The following ZNF516 variants were observed in gnomAD, a reference collection of about 807,000 sequenced individuals.
The protein encoded by ZNF516 is zinc finger protein 516.
In ZNF516, 19 loss-of-function variants were observed where a neutral mutation model predicts 79.7. That is an observed-to-expected ratio of 0.24 (90% confidence interval 0.17 to 0.35). ZNF516 has a LOEUF of 0.35. ZNF516 is among the 10% of genes least tolerant of loss of function. The pLI is 1.00. For synonymous variants in ZNF516, 877 were observed against 739.5 expected (o/e 1.19, Z -3.02); for missense variants, 1,678 against 1,679.5 (o/e 1.00, Z 0.02).
At chr18:76,495,685 T>A (rs974820882), upstream of ZNF516, 2 of 1,192,480 alleles carry the variant, frequency 1.7e-6, no homozygotes, top group Non-Finnish European at 2.1e-6. Context: ...CACACGCGCA[T>A]CCATACGTAC....
Position 76,361,806 on chromosome 18 carries a change from T to A in ZNF516, c.*692A>T, listed in dbSNP as rs2074541710. 6.6e-6 allele frequency: 1 copy of A among 152,108 alleles called. No homozygotes were observed. Among genetic ancestry groups the A allele is most frequent in the Non-Finnish European group, 1.5e-5 (1 of 68,032 alleles). 9.4% of individuals were successfully genotyped at this position (152,108 alleles called of 1,614,324 possible). ...GACGTGTCTCCTTTGCCAGATTCGC[T>A]CAGTTCGAATGGTGGGAAGAATGGA... On this transcript the variant is annotated 3_prime_UTR_variant, in exon 7 of 7. Transcript: ENST00000443185.
At position 76,379,878 on chromosome 18, in the gene ZNF516, T is replaced by C. The variant is rs200255972; in HGVS notation, c.2236A>G (p.Asn746Asp). 2.5e-4 allele frequency: 404 copies of C among 1,613,816 alleles called. 3 individuals carry two copies. The highest frequency in any genetic ancestry group is 1.5e-3 in the Middle Eastern group (9 of 6,084). Residue 746 changes from asparagine (N) to aspartate (D), a missense_variant, in exon 4 of 7, where the codon AAT becomes GAT. By Grantham distance (23) the Asn-to-Asp change is conservative (BLOSUM62 1). Coordinates refer to ENST00000443185, the MANE Select transcript of ZNF516 (RefSeq NM_014643.4). ...TGCAGGGAGGAGGCCGTCTCCTTAT[T>C]GCTGGGGTCATCCCGCGTCGACCTC... ...SARSTRDDPS[N>D]KETASSLQAA...
At chr18:76,399,104 G>A (rs1599182238) in intron 3 of ZNF516, among the ~76,000 whole-genome samples, 2 of 152,118 alleles carry the variant, frequency 1.3e-5, no homozygotes, top group South Asian at 4.1e-4. Context: ...TGGCACCTGC[G>A]CCCAAGCTAT....
chr18:76,465,960 C>T (rs1363876285), intron 1 of ZNF516, among the ~76,000 whole-genome samples: 4 of 152,160 alleles, frequency 2.6e-5, no homozygotes, highest in Non-Finnish European at 5.9e-5. Context: ...AGCTAGACTG[C>T]GCCCAAACCC....
At chr18:76,460,741 G>A (rs1321642680) in intron 2 of ZNF516, among the ~76,000 whole-genome samples, 3 of 152,200 alleles carry the variant, frequency 2.0e-5, no homozygotes, top group East Asian at 1.9e-4. Flanking sequence ...AGCACACCCC[G>A]AGAGAGAGAT....
chr18:76,491,801 G>C, intron 1 of ZNF516: 1 of 152,158 alleles, frequency 6.6e-6, no homozygotes, highest in Non-Finnish European at 1.5e-5. Flanking sequence ...CGCCGCTGCT[G>C]CTCAGACACA....
At chr18:76,440,774 G>A (rs1257066819) in intron 3 of ZNF516, among the ~76,000 whole-genome samples, 3 of 151,798 alleles carry the variant, frequency 2.0e-5, no homozygotes, top group East Asian at 1.9e-4. Context: ...GCGCACGCGC[G>A]CATGCATCGT....
intron 3 of ZNF516, among the ~76,000 whole-genome samples, chr18:76,395,534 A>G (rs933401715): frequency 3.9e-5 from 6 of 152,124 alleles, no homozygotes; most frequent in African/African-American, 1.4e-4. Flanking sequence ...GCAAATAAGA[A>G]CAGTAACGTT....
intron 3 of ZNF516, among the ~76,000 whole-genome samples, chr18:76,407,698 C>G (rs185593208): frequency 6.6e-6 from 1 of 152,224 alleles, no homozygotes; most frequent in African/African-American, 2.4e-5. Context: ...ATACCCAACA[C>G]GACATGCAGT....
chr18:76,459,357 G>A lies in ZNF516; in HGVS notation c.-158+3671C>T, dbSNP rs140516679. On this transcript the variant is annotated intron_variant, in intron 2 of 6. Transcript: ENST00000443185. The surrounding 1 kb of genome is among the most constrained non-coding windows in gnomAD (Gnocchi z 5.0). ...TGGCCACCATCCACTCAACATCATT[G>A]AGCCCTCCCACAGGCACCCAAGCTC... 3.1e-4 allele frequency among the ~76,000 whole-genome samples: 47 copies of A among 152,244 alleles called. No homozygotes were observed. The East Asian group carries it at 8.9e-3, about 29-fold the overall frequency.
intron 3 of ZNF516, among the ~76,000 whole-genome samples, chr18:76,412,677 G>A (rs917946751): frequency 3.9e-5 from 6 of 152,210 alleles, no homozygotes; most frequent in Admixed American, 2.0e-4. Flanking sequence ...AAGTCAAGTC[G>A]TTGCCAAGAT....
chr18:76,385,185 C>T (rs935530073), intron 3 of ZNF516, among the ~76,000 whole-genome samples: 1 of 152,218 alleles, frequency 6.6e-6, no homozygotes, highest in Non-Finnish European at 1.5e-5. Context: ...ACCAGGGGCT[C>T]CCGGGTTCCT....
intron 6 of ZNF516, among the ~76,000 whole-genome samples, chr18:76,363,707 C>T (rs912347665): frequency 6.6e-6 from 1 of 152,178 alleles, no homozygotes; most frequent in Non-Finnish European, 1.5e-5. Flanking sequence ...GACGTCAGGC[C>T]GTGAAGACAT....
chr18:76,397,034 G>A (rs975259124), intron 3 of ZNF516, among the ~76,000 whole-genome samples: 4 of 152,196 alleles, frequency 2.6e-5, no homozygotes, highest in African/African-American at 9.7e-5. Flanking sequence ...CAGTGCTTCA[G>A]AGGGACACAA....
At chr18:76,387,081 CT>C (rs1360580290) in intron 3 of ZNF516, 8 of 152,412 alleles carry the variant, frequency 5.2e-5, no homozygotes, top group African/African-American at 1.9e-4. Context: ...TGCCCCGCCC[CT>C]CTGAAGGCTC....
At position 76,391,188 on chromosome 18, in the gene ZNF516, G is replaced by C. The variant is rs145054518; in HGVS notation, c.1811-10885C>G. Among the ~76,000 whole-genome samples the C allele has an allele frequency of 1.3e-4, 20 of 152,218 alleles. 1 individual carries two copies. In the East Asian group the frequency reaches 3.9e-3, roughly 29 times the overall value. On this transcript the variant is annotated intron_variant, in intron 3 of 6. Coordinates refer to ENST00000443185, the MANE Select transcript of ZNF516 (RefSeq NM_014643.4). ...ATGATATGAAGAGTCTGCACTTTAG[G>C]AAACACGCTACAGGGTGAGTAAGTG...
At chr18:76,406,150 T>TG (rs1176953869) in intron 3 of ZNF516, among the ~76,000 whole-genome samples, 7 of 152,290 alleles carry the variant, frequency 4.6e-5, no homozygotes, top group African/African-American at 1.4e-4. Flanking sequence ...GGCCTGCAAC[T>TG]CGCCCGCGCT....
At chr18:76,461,853 C>T (rs556274998) in intron 2 of ZNF516, among the ~76,000 whole-genome samples, 8 of 152,178 alleles carry the variant, frequency 5.3e-5, no homozygotes, top group African/African-American at 9.7e-5. Flanking sequence ...CGCCATGGGC[C>T]GGACCAGCTA....
At chr18:76,406,631 C>G (rs1459446511) in intron 3 of ZNF516, among the ~76,000 whole-genome samples, 4 of 152,210 alleles carry the variant, frequency 2.6e-5, no homozygotes, top group Non-Finnish European at 5.9e-5. Context: ...CACATCTCCC[C>G]TAAATCTCCC....
Sources: gnomAD v4.1 joint callset for allele counts (sites outside exome capture counted in the v4.1 genomes callset) on GRCh38, gnomAD v4.1.1 for gene constraint, Gnocchi (gnomAD v3.1) non-coding constraint, MANE v1.5 for transcripts, NCBI Gene and HGNC (gene_info 2026-07-23, HGNC 2026-07-21) for gene names.